PPP3CC: variants seen among roughly 807,000 people sequenced by gnomAD.
PPP3CC encodes the protein serine/threonine-protein phosphatase 2B catalytic subunit gamma isoform.
In PPP3CC, 35 loss-of-function variants were observed where a neutral mutation model predicts 60.3. That is an observed-to-expected ratio of 0.58 (90% CI 0.44 to 0.77). PPP3CC has a LOEUF of 0.77. PPP3CC is among the 30% of genes least tolerant of loss of function. The pLI is 0.00. For missense variants in PPP3CC, 570 were observed against 628.9 expected, an observed-to-expected ratio of 0.91 and a Z score of 1.00; for synonymous variants, 206 against 224.3, an observed-to-expected ratio of 0.92 and a Z score of 0.73.
intron 3 of PPP3CC, among the ~76,000 whole-genome samples, chr8:22,475,865 A>G (rs776937325): frequency 2.6e-5 from 4 of 152,228 alleles, no homozygotes; most frequent in Non-Finnish European, 5.9e-5. Flanking sequence ...AAATAGTTAA[A>G]TGTTCACCAA....
intron 6 of PPP3CC, among the ~76,000 whole-genome samples, chr8:22,519,553 T>C (rs771802530): frequency 2.2e-4 from 34 of 152,256 alleles, no homozygotes; most frequent in Non-Finnish European, 4.3e-4. Flanking sequence ...AAACATTTTA[T>C]AGTTATAGCA....
chr8:22,464,063 C>T (rs1837444283), intron 1 of PPP3CC, among the ~76,000 whole-genome samples: 1 of 151,994 alleles, frequency 6.6e-6, no homozygotes, highest in Non-Finnish European at 1.5e-5. Context: ...TTTCTTTAAG[C>T]CGAAAGATAC....
chr8:22,493,209 T>G (rs1838460433), intron 3 of PPP3CC, among the ~76,000 whole-genome samples: 1 of 152,164 alleles, frequency 6.6e-6, no homozygotes, highest in Non-Finnish European at 1.5e-5. Flanking sequence ...TGTTTATGGA[T>G]CTGATAAAAT....
chr8:22,474,501 C>T (rs553003149), intron 1 of PPP3CC, among the ~76,000 whole-genome samples: 43 of 151,994 alleles, frequency 2.8e-4, no homozygotes, highest in South Asian at 1.7e-3. Context: ...GTCAGGAGTT[C>T]GAGAGCAGGC....
intron 1 of PPP3CC, 79 bp downstream of exon 1, chr8:22,441,537 G>C: frequency 7.7e-6 from 11 of 1,423,714 alleles, no homozygotes; most frequent in Non-Finnish European, 1.0e-5. Flanking sequence ...GCGGAGGGAG[G>C]CTGGGGCCGG....
chr8:22,540,952 GT>G lies in PPP3CC; in HGVS notation c.*154del, dbSNP rs1839946478. 3.1e-6 allele frequency: 2 copies of G among 639,192 alleles called. No homozygotes were observed. The highest frequency in any genetic ancestry group is 4.7e-6 in the Non-Finnish European group (2 of 429,332). 39.6% of individuals were successfully genotyped at this position (639,192 alleles called of 1,614,324 possible). A position where few individuals can be genotyped will look rare whatever the true frequency, so the allele number is the denominator to read the frequency against. ...GCATTTATTCTGTAAAAAGGTGGCT[GT>G]TTTATAAATTCTTTTAATTTATGTT... On this transcript the variant is annotated 3_prime_UTR_variant, in exon 14 of 14. Transcript: ENST00000240139.
intron 4 of PPP3CC, among the ~76,000 whole-genome samples, chr8:22,510,494 C>G (rs529264896): frequency 1.3e-5 from 2 of 152,270 alleles, no homozygotes; most frequent in East Asian, 3.9e-4. Flanking sequence ...ACTCACAAGA[C>G]TACCATGGAC....
intron 1 of PPP3CC, among the ~76,000 whole-genome samples, chr8:22,457,645 T>C (rs1222805637): frequency 6.6e-6 from 1 of 152,220 alleles, no homozygotes; most frequent in Admixed American, 6.5e-5. Context: ...TTGATTTCTG[T>C]AGCTATCGTT....
intron 9 of PPP3CC, among the ~76,000 whole-genome samples, chr8:22,528,100 TA>T (rs1432546737): frequency 6.6e-6 from 1 of 152,252 alleles, no homozygotes; most frequent in Non-Finnish European, 1.5e-5. Flanking sequence ...TGAAGAGATT[TA>T]AACAGAATTT....
chr8:22,498,425 C>T (rs951815874), intron 4 of PPP3CC, among the ~76,000 whole-genome samples: 23 of 152,090 alleles, frequency 1.5e-4, no homozygotes, highest in African/African-American at 5.6e-4. Flanking sequence ...GCCTGGGCGA[C>T]AAAGCAAGAT....
At chr8:22,502,289 T>TAACAAC (rs1029259036) in intron 4 of PPP3CC, among the ~76,000 whole-genome samples, 2 of 152,052 alleles carry the variant, frequency 1.3e-5, no homozygotes, top group East Asian at 3.9e-4. Flanking sequence ...GTGTTAATTG[T>TAACAAC]AACAACAACA....
chr8:22,457,820 A>T (rs996685786), intron 1 of PPP3CC, among the ~76,000 whole-genome samples: 3 of 152,250 alleles, frequency 2.0e-5, no homozygotes, highest in Non-Finnish European at 4.4e-5. Context: ...GGCCGGGCGC[A>T]GTGGCTTACG....
chr8:22,485,559 T>G (rs796194907), intron 3 of PPP3CC, among the ~76,000 whole-genome samples: 12 of 152,212 alleles, frequency 7.9e-5, no homozygotes, highest in African/African-American at 2.9e-4. Context: ...CAGAAGCCGT[T>G]AGAGGAGGGG....
At chr8:22,504,126 T>C (rs2132524048) in intron 4 of PPP3CC, among the ~76,000 whole-genome samples, 1 of 152,300 alleles carries the variant, frequency 6.6e-6, no homozygotes, top group East Asian at 1.9e-4. Flanking sequence ...AATATTCCTT[T>C]CTTTATGGAA....
chr8:22,463,291 T>G (rs572788831), intron 1 of PPP3CC, among the ~76,000 whole-genome samples: 1 of 152,374 alleles, frequency 6.6e-6, no homozygotes, highest in African/African-American at 2.4e-5. Context: ...CTGGAAATCT[T>G]GGCTCACCCA....
chr8:22,496,716 C>G (rs537920974), intron 3 of PPP3CC, among the ~76,000 whole-genome samples: 1 of 151,440 alleles, frequency 6.6e-6, no homozygotes, highest in East Asian at 1.9e-4. Context: ...AGGCTGGTCT[C>G]GAACTCCTGA....
intron 1 of PPP3CC, among the ~76,000 whole-genome samples, chr8:22,454,840 G>A (rs538360799): frequency 5.3e-5 from 8 of 151,862 alleles, no homozygotes; most frequent in African/African-American, 1.9e-4. Context: ...AGGCCGAGGC[G>A]GGTGGATCAT....
chr8:22,470,338 A>G (rs2132460837), intron 1 of PPP3CC, among the ~76,000 whole-genome samples: 1 of 152,282 alleles, frequency 6.6e-6, no homozygotes, highest in South Asian at 2.1e-4. Context: ...CAACAATAAG[A>G]AAATGTTTAA....
chr8:22,501,572 C>T lies in PPP3CC; in HGVS notation c.484+3460C>T, dbSNP rs140525140. Among the ~76,000 whole-genome samples the T allele has an allele frequency of 3.3e-5, 5 of 152,362 alleles. No homozygotes were observed. The East Asian group carries it at 7.7e-4, about 24-fold the overall frequency. ...AGGGATGACTCTTAGCTTCCAGATA[C>T]TGCTTGCAGTTCGGTAACATGTCGC... On this transcript the variant is annotated intron_variant, in intron 4 of 13. Transcript: ENST00000240139.
Sources: allele counts gnomAD v4.1 joint callset (sites outside exome capture counted in the v4.1 genomes callset), GRCh38; gene constraint gnomAD v4.1.1; transcripts MANE v1.5; gene names NCBI Gene and HGNC (gene_info 2026-07-23, HGNC 2026-07-21).